GALNT17: variants seen among roughly 807,000 people sequenced by gnomAD.
The protein encoded by GALNT17 is UDP-GalNAc:polypeptide N-acetylgalactosaminyltransferase-like 3.
GALNT17 carries 29 observed loss-of-function variants against 63.7 expected under a neutral mutation model. The ratio of observed to expected loss-of-function variants is 0.46; its 90% CI spans 0.34 to 0.62. GALNT17 has a LOEUF of 0.62. Among genes scored for constraint, GALNT17 ranks in the 20% least tolerant of loss-of-function variants. The pLI is 0.01. For synonymous variants in GALNT17, 305 were observed against 318.3 expected (o/e 0.96, Z 0.45); for missense variants, 603 against 799.6 (o/e 0.75, Z 2.97).
Position 71,664,107 on chromosome 7 carries a change from C to T in GALNT17, c.1081-1304C>T, listed in dbSNP as rs140048341. 3.8e-3 allele frequency among the ~76,000 whole-genome samples: 572 copies of T among 151,602 alleles called. 9 individuals are homozygous for T. Among genetic ancestry groups the T allele is most frequent in the African/African-American group, 0.013 (548 of 41,282 alleles). On this transcript the variant is annotated intron_variant, in intron 6 of 10. Transcript: ENST00000333538. ...GCTTTCCTTTTGGAGCAGGTCCTTA[C>T]GGCCTAGGTGCCTGCCATCCCCATG... is the stretch of plus-strand genomic sequence containing the variant.
intron 1 of GALNT17, among the ~76,000 whole-genome samples, chr7:71,243,140 C>T (rs11974315): frequency 0.038 from 5,775 of 152,080 alleles, 344 homozygotes; most frequent in African/African-American, 0.13. Context: ...TGATTTCTCA[C>T]GAGATCTGAT....
rs977632552 is a variant in GALNT17, at chr7:71,477,644, G to A, written c.962+56539G>A. Among the ~76,000 whole-genome samples the A allele has an allele frequency of 5.3e-5, 8 of 152,126 alleles. No homozygotes were observed. The East Asian group carries it at 9.7e-4, about 18-fold the overall frequency. On this transcript the variant is annotated intron_variant, in intron 5 of 10. Coordinates refer to ENST00000333538, the MANE Select transcript of GALNT17 (RefSeq NM_022479.3). ...TTCGAGGCTGCAGTGAGCTATGATC[G>A]CATCACTGCACTCCGGCCTGGGCAA... is the stretch of plus-strand genomic sequence containing the variant.
At chr7:71,459,526 A>T (rs1332955625) in intron 5 of GALNT17, among the ~76,000 whole-genome samples, 3 of 152,240 alleles carry the variant, frequency 2.0e-5, no homozygotes, top group Non-Finnish European at 4.4e-5. Context: ...ATGCCTTATA[A>T]ATCATAGTCT....
intron 6 of GALNT17, among the ~76,000 whole-genome samples, chr7:71,640,715 A>C (rs1562719595): frequency 6.6e-6 from 1 of 152,056 alleles, no homozygotes; most frequent in African/African-American, 2.4e-5. Context: ...AATCCTGTGC[A>C]TTTTGTTTAA....
At chr7:71,459,117 G>T (rs894668921) in intron 5 of GALNT17, among the ~76,000 whole-genome samples, 2 of 152,082 alleles carry the variant, frequency 1.3e-5, no homozygotes, top group African/African-American at 4.8e-5. Context: ...ACACCTTTCG[G>T]CAAATTAAAT....
Position 71,260,898 on chromosome 7 carries a change from C to G in GALNT17, c.239-74652C>G, listed in dbSNP as rs143204737. Among the ~76,000 whole-genome samples the G allele has an allele frequency of 3.6e-3, 544 of 152,256 alleles. 3 individuals carry two copies. The highest frequency in any genetic ancestry group is 0.012 in the African/African-American group (518 of 41,554). On this transcript the variant is annotated intron_variant, in intron 1 of 10. Transcript: ENST00000333538. ...GTGTTATAGGCATGAGCCTCTGTGC[C>G]CAGCCTCTTTTTCATCCTTAAACTG... is the stretch of plus-strand genomic sequence containing the variant.
intron 2 of GALNT17, among the ~76,000 whole-genome samples, chr7:71,378,351 G>C (rs779423533): frequency 6.6e-6 from 1 of 152,092 alleles, no homozygotes; most frequent in Non-Finnish European, 1.5e-5. Context: ...TGCAAGGTTC[G>C]CTGTTGCCAA....
At chr7:71,598,228 C>T (rs1210602849) in intron 6 of GALNT17, among the ~76,000 whole-genome samples, 1 of 152,176 alleles carries the variant, frequency 6.6e-6, no homozygotes, top group African/African-American at 2.4e-5. Flanking sequence ...AGGCATGAGC[C>T]ACCGTGCCCG....
chr7:71,572,417 G>A (rs1186214613), intron 6 of GALNT17, among the ~76,000 whole-genome samples: 1 of 140,698 alleles, frequency 7.1e-6, no homozygotes, highest in Admixed American at 7.6e-5. Flanking sequence ...CAAGAAGATC[G>A]CTTGAGCCCA....
At chr7:71,247,962 A>G (rs1583796372) in intron 1 of GALNT17, among the ~76,000 whole-genome samples, 1 of 152,240 alleles carries the variant, frequency 6.6e-6, no homozygotes, top group Non-Finnish European at 1.5e-5. Context: ...TTTCATCTTC[A>G]TCGCCTTCAC....
chr7:71,604,611 A>G (rs1584084331), intron 6 of GALNT17, among the ~76,000 whole-genome samples: 2 of 152,310 alleles, frequency 1.3e-5, no homozygotes, highest in Admixed American at 1.3e-4. Context: ...AGCAGGTTCA[A>G]TTAACTACCA....
intron 1 of GALNT17, among the ~76,000 whole-genome samples, chr7:71,254,448 A>G (rs1179814978): frequency 1.3e-5 from 2 of 152,186 alleles, no homozygotes; most frequent in Non-Finnish European, 2.9e-5. Context: ...ATGTCAAGGA[A>G]ATATATTTTG....
At chr7:71,306,687 A>G (rs561073457) in intron 1 of GALNT17, among the ~76,000 whole-genome samples, 92 of 152,336 alleles carry the variant, frequency 6.0e-4, no homozygotes, top group African/African-American at 2.1e-3. Context: ...TTTTGCACCA[A>G]CTTAATGTAT....
chr7:71,319,968 A>G (rs1791574867), intron 1 of GALNT17, among the ~76,000 whole-genome samples: 1 of 152,162 alleles, frequency 6.6e-6, no homozygotes, highest in Non-Finnish European at 1.5e-5. Context: ...AGAAGCAGCA[A>G]TGCAAGCTCA....
At chr7:71,375,935 G>A (rs570353681) in intron 2 of GALNT17, among the ~76,000 whole-genome samples, 11 of 152,204 alleles carry the variant, frequency 7.2e-5, no homozygotes, top group African/African-American at 1.7e-4. Context: ...AAAATTAGCC[G>A]GTGCGGTGGC....
intron 1 of GALNT17, among the ~76,000 whole-genome samples, chr7:71,253,410 G>A (rs930522532): frequency 5.9e-5 from 9 of 152,166 alleles, no homozygotes; most frequent in South Asian, 2.1e-4. Flanking sequence ...CCCATGATTC[G>A]ATGATCTCCC....
chr7:71,457,705 C>G (rs1347083484), intron 5 of GALNT17, among the ~76,000 whole-genome samples: 1 of 152,178 alleles, frequency 6.6e-6, no homozygotes, highest in Non-Finnish European at 1.5e-5. Context: ...AGAGGTCACT[C>G]TCGTCTCCAT....
chr7:71,516,448 C>T (rs1234753084), intron 5 of GALNT17, among the ~76,000 whole-genome samples: 3 of 152,078 alleles, frequency 2.0e-5, no homozygotes, highest in Middle Eastern at 3.2e-3. Context: ...CCCCTTAATT[C>T]CAGAACTGGA....
At chr7:71,364,355 C>G (rs1792462326) in intron 2 of GALNT17, among the ~76,000 whole-genome samples, 2 of 152,086 alleles carry the variant, frequency 1.3e-5, no homozygotes, top group Admixed American at 6.6e-5. Flanking sequence ...TCTGAGTGTC[C>G]TGGATGGAGT....
Sources: allele counts gnomAD v4.1 joint callset (sites outside exome capture counted in the v4.1 genomes callset), GRCh38; gene constraint gnomAD v4.1.1; transcripts MANE v1.5; gene names NCBI Gene and HGNC (gene_info 2026-07-23, HGNC 2026-07-21).